PTPRCAP: variants seen among roughly 807,000 people sequenced by gnomAD.
The protein encoded by PTPRCAP is protein tyrosine phosphatase receptor type C associated protein.
For synonymous variants in PTPRCAP, 136 were observed against 135.8 expected (o/e 1.00, Z -0.01); for missense variants, 294 against 285.5 (o/e 1.03, Z -0.22).
chr11:67,435,558 T>C lies in PTPRCAP; in HGVS notation c.*175A>G, dbSNP rs1251024032. 3.2e-6 allele frequency: 3 copies of C among 932,510 alleles called. No individual in the cohort carries two copies. The highest frequency in any genetic ancestry group is 3.1e-6 in the Non-Finnish European group (2 of 653,318). The allele number at this position is 932,510 out of a possible 1,614,324, so 57.8% of individuals were successfully genotyped here. A position where few individuals can be genotyped will look rare whatever the true frequency, so the allele number is the denominator to read the frequency against. On this transcript the variant is annotated 3_prime_UTR_variant, in exon 2 of 2. Coordinates refer to ENST00000326294, the MANE Select transcript of PTPRCAP (RefSeq NM_005608.3). Reference sequence around the variant, plus strand: ...CAAATGGTTGCCTGATGCCTGTGGTTGGGGGGGGCCGTTCCCGTGGTGAGC... The same window carrying C: ...CAAATGGTTGCCTGATGCCTGTGGTCGGGGGGGGCCGTTCCCGTGGTGAGC...
At position 67,436,296 on chromosome 11, in the gene PTPRCAP, C is replaced by T. The variant is rs1469657634; in HGVS notation, c.58G>A (p.Gly20Ser). 3.3e-6 allele frequency: 5 copies of T among 1,531,038 alleles called. No homozygotes were observed. Among genetic ancestry groups the T allele is most frequent in the Non-Finnish European group, 3.5e-6 (4 of 1,142,446 alleles). The allele number at this position is 1,531,038 out of a possible 1,614,324, so 94.8% of individuals were successfully genotyped here. Residue 20 changes from glycine to serine, a missense_variant, in exon 2 of 2, where the codon GGC becomes AGC. By Grantham distance (56) the Gly-to-Ser change is moderately conservative (BLOSUM62 0). Coordinates refer to ENST00000326294, the MANE Select transcript of PTPRCAP (RefSeq NM_005608.3). ...CTGTCCTCCGCGCTGCCACCCGAGC[C>T]CAAGGCCCCTGGCAGGGCCAGCAGC... ...GMLLALPGAL[G>S]SGGSAEDSVG...
Position 67,436,283 on chromosome 11 carries a change from C to T in PTPRCAP, c.71G>A (p.Ser24Asn), listed in dbSNP as rs1018457398. The T allele has an allele frequency of 2.0e-6, 3 of 1,536,992 alleles. No homozygotes were observed. In the African/African-American group the frequency reaches 4.1e-5, roughly 21 times the overall value. ...ALPGALGSGG[S>N]AEDSVGSSSV... ...GCTGGAGCCCACGCTGTCCTCCGCGCTGCCACCCGAGCCCAAGGCCCCTGG... is the reference window on the plus strand; with the variant it reads ...GCTGGAGCCCACGCTGTCCTCCGCGTTGCCACCCGAGCCCAAGGCCCCTGG... The change falls in exon 2 of 2, where the codon AGC (serine) becomes AAC (asparagine). Residue 24 changes from serine (S) to asparagine (N), a missense_variant. Ser to Asn is a conservative substitution (Grantham distance 46). Coordinates refer to ENST00000326294, the MANE Select transcript of PTPRCAP (RefSeq NM_005608.3).
intron 1 of PTPRCAP, chr11:67,436,767 A>C: frequency 5.5e-6 from 1 of 182,522 alleles, no homozygotes; most frequent in Non-Finnish European, 1.1e-5. Context: ...AGCACCCCCC[A>C]GCACTCAGTG....
Position 67,436,214 on chromosome 11 carries a change from G to A in PTPRCAP, c.140C>T (p.Ala47Val), listed in dbSNP as rs770620957. The A allele has an allele frequency of 1.9e-6, 3 of 1,549,912 alleles. No homozygotes were observed. The highest frequency in any genetic ancestry group is 2.6e-6 in the Non-Finnish European group (3 of 1,150,070). Residue 47 changes from alanine (A) to valine (V), a missense_variant, in exon 2 of 2, where the codon GCC (alanine) becomes GTC (valine). Ala to Val is a moderately conservative substitution (Grantham distance 64, BLOSUM62 0). Transcript: ENST00000326294. The part of the protein sequence containing the change: ...VLLLLLLLLL[A>V]TGLALAWRRL... ...GCGCCAGGCCAGTGCTAGGCCAGTG[G>A]CCAGCAGTAGGAGCAGCAGCAGCAG... is the stretch of plus-strand genomic sequence containing the variant.
chr11:67,436,320 G>A lies in PTPRCAP; in HGVS notation c.34C>T (p.Leu12=), dbSNP rs12295145. The A allele has an allele frequency of 2.0e-6, 3 of 1,511,582 alleles. No homozygotes were observed. The highest frequency in any genetic ancestry group is 2.8e-5 in the African/African-American group (2 of 72,372). 93.6% of individuals were successfully genotyped at this position (1,511,582 alleles called of 1,614,324 possible). A position where few individuals can be genotyped will look rare whatever the true frequency, so the allele number is the denominator to read the frequency against. Residue 12 remains leucine, a synonymous_variant, in exon 2 of 2, where the codon CTG becomes TTG. Transcript: ENST00000326294. ...ALPCTLGLGM[L]LALPGALGSG... The stretch of plus-strand genomic sequence containing the variant: ...CCCAAGGCCCCTGGCAGGGCCAGCA[G>A]CATCCCGAGCCCTAAGGTGCAGGGC...
At chr11:67,436,659 C>T (rs954558885) in intron 1 of PTPRCAP, 3 of 317,256 alleles carry the variant, frequency 9.5e-6, no homozygotes, top group Middle Eastern at 8.4e-4. Context: ...TCCCCTCCCC[C>T]GGGCTGCATG....
At position 67,435,688 on chromosome 11, in the gene PTPRCAP, G is replaced by A. The variant is rs1218388317; in HGVS notation, c.*45C>T. On this transcript the variant is annotated 3_prime_UTR_variant, in exon 2 of 2. Coordinates refer to ENST00000326294, the MANE Select transcript of PTPRCAP (RefSeq NM_005608.3). Reference sequence around the variant, plus strand: ...ATGGCATCTTGGGAAGCAGAGGCACGGGGAGTGAGCGGCTGTGACAGGGAT... The same window carrying A: ...ATGGCATCTTGGGAAGCAGAGGCACAGGGAGTGAGCGGCTGTGACAGGGAT... 3 of 1,496,860 alleles carry A rather than the reference G, an allele frequency of 2.0e-6. No homozygotes were observed. Among genetic ancestry groups the A allele is most frequent in the South Asian group, 1.3e-5 (1 of 74,940 alleles). 92.7% of individuals were successfully genotyped at this position (1,496,860 alleles called of 1,614,324 possible). A position where few individuals can be genotyped will look rare whatever the true frequency, so the allele number is the denominator to read the frequency against.
At position 67,436,492 on chromosome 11, in the gene PTPRCAP, T is replaced by A; in HGVS notation, c.4-142A>T. 5 of 986,978 alleles carry A rather than the reference T, an allele frequency of 5.1e-6. No homozygotes were observed. In the South Asian group the frequency reaches 6.1e-5, roughly 12 times the overall value. The allele number at this position is 986,978 out of a possible 1,614,324, so 61.1% of individuals were successfully genotyped here. A position where few individuals can be genotyped will look rare whatever the true frequency, so the allele number is the denominator to read the frequency against. On this transcript the variant is annotated intron_variant, in intron 1 of 1. Coordinates refer to ENST00000326294, the MANE Select transcript of PTPRCAP (RefSeq NM_005608.3). ...AGCCAAGCAGAAAAGGCCAAGGCCT[T>A]ATTTGGTCAACCAGGCTCTGGCCCT...
intron 1 of PTPRCAP, chr11:67,436,780 T>A: frequency 5.7e-6 from 1 of 175,214 alleles, no homozygotes; most frequent in Non-Finnish European, 1.2e-5. Flanking sequence ...ACTCAGTGCC[T>A]TTTTCCTTCC....
At chr11:67,437,316 C>T (rs1386392018) in intron 1 of PTPRCAP, 2 of 343,852 alleles carry the variant, frequency 5.8e-6, no homozygotes, top group Middle Eastern at 7.2e-4. Context: ...TCCCCCACCA[C>T]CCCAGGCTGT....
Position 67,435,538 on chromosome 11 carries a change from G to C in PTPRCAP, c.*195C>G. ...AGGCTGAAGGAGTTTTATTTCAAATGGTTGCCTGATGCCTGTGGTTGGGGG... is the reference window on the plus strand; with the variant it reads ...AGGCTGAAGGAGTTTTATTTCAAATCGTTGCCTGATGCCTGTGGTTGGGGG... On this transcript the variant is annotated 3_prime_UTR_variant, in exon 2 of 2. Coordinates refer to ENST00000326294, the MANE Select transcript of PTPRCAP (RefSeq NM_005608.3). The C allele has an allele frequency of 3.8e-6, 3 of 789,290 alleles. No homozygotes were observed. The highest frequency in any genetic ancestry group is 5.7e-6 in the Non-Finnish European group (3 of 524,794). The allele number at this position is 789,290 out of a possible 1,614,324, so 48.9% of individuals were successfully genotyped here. A position where few individuals can be genotyped will look rare whatever the true frequency, so the allele number is the denominator to read the frequency against.
At position 67,435,720 on chromosome 11, in the gene PTPRCAP, C is replaced by CCAAGACCGGCCTCTACAGTGCG; in HGVS notation, c.612_*12dup. ...GAGCGGCTGTGACAGGGATGGGACA[C>CCAAGACCGGCCTCTACAGTGCG]CAAGACCGGCCTCTACAGTGCGGTG... On this transcript the variant is annotated 3_prime_UTR_variant, in exon 2 of 2. Transcript: ENST00000326294. The CCAAGACCGGCCTCTACAGTGCG allele has an allele frequency of 6.6e-7, 1 of 1,504,690 alleles. No individual in the cohort carries two copies. Among genetic ancestry groups the CCAAGACCGGCCTCTACAGTGCG allele is most frequent in the Non-Finnish European group, 8.8e-7 (1 of 1,131,058 alleles). The allele number at this position is 1,504,690 out of a possible 1,614,324, so 93.2% of individuals were successfully genotyped here. A position where few individuals can be genotyped will look rare whatever the true frequency, so the allele number is the denominator to read the frequency against.
intron 1 of PTPRCAP, 167 bp from the exon 2 acceptor site, chr11:67,436,517 T>A: frequency 1.3e-6 from 1 of 763,318 alleles, no homozygotes; most frequent in Admixed American, 3.6e-5. Flanking sequence ...GCTCTGGCCC[T>A]GTGAGATCAG....
In PTPRCAP at chr11:67,437,602, G is replaced by A; in HGVS notation, c.3+15C>T. 2 of 1,353,050 alleles carry A rather than the reference G, an allele frequency of 1.5e-6. No homozygotes were observed. Among genetic ancestry groups the A allele is most frequent in the Non-Finnish European group, 1.9e-6 (2 of 1,043,656 alleles). The allele number at this position is 1,353,050 out of a possible 1,614,324, so 83.8% of individuals were successfully genotyped here. A position where few individuals can be genotyped will look rare whatever the true frequency, so the allele number is the denominator to read the frequency against. ...TGGCCCCCATCCCAAGAACCCGGGG[G>A]GCTCCGAGGCTTACCATTGGTCCGC... is the stretch of plus-strand genomic sequence containing the variant. On this transcript the variant is annotated intron_variant, in intron 1 of 1. Coordinates refer to ENST00000326294, the MANE Select transcript of PTPRCAP (RefSeq NM_005608.3).
rs1864313708 is a variant in PTPRCAP, at chr11:67,437,641, C to T, written c.-22G>A. 1 of 1,365,482 alleles carries T rather than the reference C, an allele frequency of 7.3e-7. No individual in the cohort carries two copies. The highest frequency in any genetic ancestry group is 9.5e-7 in the Non-Finnish European group (1 of 1,050,724). 84.6% of individuals were successfully genotyped at this position (1,365,482 alleles called of 1,614,324 possible). ...CCATTGGTCCGCAGGCCCCTCCGTG[C>T]CGGGCACCCACCTCCAGCTCTGGCT... On this transcript the variant is annotated 5_prime_UTR_variant, in exon 1 of 2. Coordinates refer to ENST00000326294, the MANE Select transcript of PTPRCAP (RefSeq NM_005608.3).
chr11:67,435,558 TGGG>T lies in PTPRCAP; in HGVS notation c.*172_*174del, dbSNP rs141116917. 2.1e-6 allele frequency: 2 copies of T among 932,510 alleles called. No individual in the cohort carries two copies. Among genetic ancestry groups the T allele is most frequent in the African/African-American group, 3.4e-5 (2 of 59,300 alleles). 57.8% of individuals were successfully genotyped at this position (932,510 alleles called of 1,614,324 possible). A position where few individuals can be genotyped will look rare whatever the true frequency, so the allele number is the denominator to read the frequency against. On this transcript the variant is annotated 3_prime_UTR_variant, in exon 2 of 2. Coordinates refer to ENST00000326294, the MANE Select transcript of PTPRCAP (RefSeq NM_005608.3). ...CAAATGGTTGCCTGATGCCTGTGGTTGGGGGGGGCCGTTCCCGTGGTGAGCGGG... is the reference window on the plus strand; with the variant it reads ...CAAATGGTTGCCTGATGCCTGTGGTTGGGGGCCGTTCCCGTGGTGAGCGGG...
At chr11:67,437,300 C>G in intron 1 of PTPRCAP, 1 of 318,482 alleles carries the variant, frequency 3.1e-6, no homozygotes, top group Non-Finnish European at 5.7e-6. Flanking sequence ...TGAGGTGCAG[C>G]CAGCCTCCCC....
In PTPRCAP at chr11:67,436,004, T is replaced by C; in HGVS notation, c.350A>G (p.His117Arg). 1 of 1,613,748 alleles carries C rather than the reference T, an allele frequency of 6.2e-7. No individual in the cohort carries two copies. Among genetic ancestry groups the C allele is most frequent in the South Asian group, 1.1e-5 (1 of 91,090 alleles). Residue 117 changes from histidine to arginine, a missense_variant, in exon 2 of 2, where the codon CAC (histidine) becomes CGC (arginine). Coordinates refer to ENST00000326294, the MANE Select transcript of PTPRCAP (RefSeq NM_005608.3). ...QEDEQDTDYD[H>R]VADGGLQADP... is the part of the protein sequence containing the mutation. Reference sequence around the variant, plus strand: ...AGCCTGCAGGCCACCATCCGCGACGTGGTCATAGTCTGTGTCCTGCTCATC... The same window carrying C: ...AGCCTGCAGGCCACCATCCGCGACGCGGTCATAGTCTGTGTCCTGCTCATC...
chr11:67,437,572 G>A (rs749828019), intron 1 of PTPRCAP, 45 bp downstream of exon 1: 7 of 1,338,754 alleles, frequency 5.2e-6, no homozygotes, highest in East Asian at 2.8e-5. Flanking sequence ...AGCCCCGACC[G>A]CCTGTGGCCC....
Sources: gnomAD v4.1 joint callset for allele counts on GRCh38, gnomAD v4.1.1 for gene constraint, MANE v1.5 for transcripts, NCBI Gene and HGNC (gene_info 2026-07-23, HGNC 2026-07-21) for gene names.